Variants in MKLN1 observed in about 807,000 individuals in gnomAD.
MKLN1 encodes muskelin 1.
In MKLN1, 18 loss-of-function variants were observed where a neutral mutation model predicts 99.0. The ratio of observed to expected loss-of-function variants is 0.18; its 90% CI spans 0.13 to 0.27. The LOEUF (loss-of-function observed/expected upper bound fraction) is 0.27, where lower values mean the gene tolerates loss of function less well. MKLN1 is among the 10% of genes least tolerant of loss of function. The pLI is 1.00. For synonymous variants in MKLN1, 288 were observed against 293.2 expected (o/e 0.98, Z 0.18); for missense variants, 621 against 875.9 (o/e 0.71, Z 3.67).
intron 2 of MKLN1, among the ~76,000 whole-genome samples, chr7:131,192,968 A>T (rs1321513426): frequency 6.6e-6 from 1 of 152,234 alleles, no homozygotes; most frequent in Non-Finnish European, 1.5e-5. Flanking sequence ...GAGGGATATT[A>T]TGAAAATGTG....
chr7:131,165,513 G>T (rs982234650), intron 2 of MKLN1, among the ~76,000 whole-genome samples: 12 of 152,334 alleles, frequency 7.9e-5, no homozygotes, highest in Admixed American at 6.5e-4. Context: ...CACAGAAGGT[G>T]TAGGGAAGTG....
intron 2 of MKLN1, among the ~76,000 whole-genome samples, chr7:131,199,409 T>C (rs983467184): frequency 1.3e-5 from 2 of 152,118 alleles, no homozygotes; most frequent in African/African-American, 4.8e-5. Context: ...CCAATACAGA[T>C]GATTTTTAAA....
In MKLN1 at chr7:131,411,291, C is replaced by G. The variant is rs559539256; in HGVS notation, c.704-15C>G. ...AGTTAAGGTGTAATTCTTTCTCATT[C>G]TTCAATATTTGCAGATGGCTTGTTC... On this transcript the variant is annotated splice_polypyrimidine_tract_variant and intron_variant, in intron 6 of 17. Transcript: ENST00000352689. The G allele has an allele frequency of 6.5e-7, 1 of 1,540,408 alleles. No individual in the cohort carries two copies. The highest frequency in any genetic ancestry group is 1.4e-5 in the African/African-American group (1 of 73,456).
chr7:131,260,463 G>A (rs940691504), intron 3 of MKLN1, among the ~76,000 whole-genome samples: 2 of 152,110 alleles, frequency 1.3e-5, no homozygotes, highest in East Asian at 3.9e-4. Context: ...ACTGATCAAA[G>A]AAGTCAGAGA....
At chr7:131,455,765 G>T (rs1796314473) in intron 12 of MKLN1, among the ~76,000 whole-genome samples, 1 of 152,144 alleles carries the variant, frequency 6.6e-6, no homozygotes, top group Non-Finnish European at 1.5e-5. Context: ...TGTTAAATTG[G>T]CCAGGCATGG....
chr7:131,476,616 T>C (rs907821913), intron 16 of MKLN1, among the ~76,000 whole-genome samples: 1 of 152,180 alleles, frequency 6.6e-6, no homozygotes, highest in Non-Finnish European at 1.5e-5. Flanking sequence ...TGGAGAGATA[T>C]ATTTATGGAT....
At chr7:131,356,062 ATTT>A (rs375785189) in intron 1 of MKLN1, among the ~76,000 whole-genome samples, 5 of 116,154 alleles carry the variant, frequency 4.3e-5, no homozygotes, top group Admixed American at 8.8e-5. Flanking sequence ...TAGTTCCCCT[ATTT>A]TTTTTTTTTT....
intron 3 of MKLN1, chr7:131,309,805 A>T (rs2116635511): frequency 7.0e-6 from 1 of 141,926 alleles, no homozygotes; most frequent in South Asian, 2.3e-4. Flanking sequence ...AGCTCACTGC[A>T]AGCTCTGCTT....
At chr7:131,448,038 C>G (rs1324909318) in intron 12 of MKLN1, among the ~76,000 whole-genome samples, 1 of 152,166 alleles carries the variant, frequency 6.6e-6, no homozygotes, top group Non-Finnish European at 1.5e-5. Flanking sequence ...ACCATCCTGG[C>G]TAACGTGGTG....
intron 2 of MKLN1, among the ~76,000 whole-genome samples, chr7:131,172,112 AATTT>A (rs753927411): frequency 1.6e-4 from 24 of 151,982 alleles, no homozygotes; most frequent in African/African-American, 5.3e-4. Flanking sequence ...TCCACACAAG[AATTT>A]ATTTATTTAT....
chr7:131,311,440 G>A (rs745513066), intron 3 of MKLN1, among the ~76,000 whole-genome samples: 4 of 151,974 alleles, frequency 2.6e-5, no homozygotes, highest in Non-Finnish European at 5.9e-5. Context: ...AAAATTTTAG[G>A]AATCTCATAC....
At chr7:131,465,543 A>T (rs895955330) in intron 14 of MKLN1, among the ~76,000 whole-genome samples, 4 of 147,642 alleles carry the variant, frequency 2.7e-5, no homozygotes, top group Admixed American at 6.8e-5. Flanking sequence ...AGATGTTAAA[A>T]TTTTTTTTTT....
chr7:131,216,742 G>C (rs775538281), intron 3 of MKLN1, among the ~76,000 whole-genome samples: 14 of 152,148 alleles, frequency 9.2e-5, no homozygotes, highest in Non-Finnish European at 2.1e-4. Flanking sequence ...TGTCACCTGG[G>C]TAATGGGAAT....
At chr7:131,293,634 C>T (rs1463109292) in intron 3 of MKLN1, among the ~76,000 whole-genome samples, 1 of 152,032 alleles carries the variant, frequency 6.6e-6, no homozygotes, top group Non-Finnish European at 1.5e-5. Flanking sequence ...CATGGTGAGA[C>T]CATCTCTACA....
At chr7:131,416,810 C>T (rs1795029881) in intron 8 of MKLN1, among the ~76,000 whole-genome samples, 1 of 151,394 alleles carries the variant, frequency 6.6e-6, no homozygotes. Context: ...AGTGAGACCC[C>T]CATCTCTATA....
intron 3 of MKLN1, among the ~76,000 whole-genome samples, chr7:131,269,899 C>CTTTTCT (rs1797859580): frequency 6.6e-6 from 1 of 151,740 alleles, no homozygotes; most frequent in African/African-American, 2.4e-5. Context: ...GGTAACTTTT[C>CTTTTCT]TTTTCTTTTT....
chr7:131,364,200 A>G (rs1315171410), intron 1 of MKLN1, among the ~76,000 whole-genome samples: 6 of 152,106 alleles, frequency 3.9e-5, no homozygotes, highest in Admixed American at 3.9e-4. Context: ...TTTTAAGAAA[A>G]AAACGTTTGT....
intron 2 of MKLN1, among the ~76,000 whole-genome samples, chr7:131,161,830 T>C (rs1796054062): frequency 6.6e-6 from 1 of 151,810 alleles, no homozygotes; most frequent in African/African-American, 2.4e-5. Flanking sequence ...TGAGCCACAA[T>C]GCCTGGCCGT....
intron 1 of MKLN1, among the ~76,000 whole-genome samples, chr7:131,135,544 T>C (rs544392620): frequency 7.4e-4 from 113 of 152,226 alleles, no homozygotes; most frequent in African/African-American, 2.6e-3. Flanking sequence ...TATTCAGACA[T>C]TGGGAAGGGC....
Sources: gnomAD v4.1 joint callset for allele counts (sites outside exome capture counted in the v4.1 genomes callset) on GRCh38, gnomAD v4.1.1 for gene constraint, MANE v1.5 for transcripts, NCBI Gene and HGNC (gene_info 2026-07-23, HGNC 2026-07-21) for gene names.